CNTNAP2: variants seen among roughly 807,000 people sequenced by gnomAD.
The protein encoded by CNTNAP2 is contactin-associated protein-like 2.
CNTNAP2 carries 98 observed loss-of-function variants against 155.2 expected under a neutral mutation model. The ratio of observed to expected loss-of-function variants is 0.63; its 90% confidence interval spans 0.54 to 0.75. The LOEUF (loss-of-function observed/expected upper bound fraction) is 0.75. CNTNAP2 is among the 30% of genes least tolerant of loss of function. CNTNAP2 has a pLI of 0.00. For missense variants in CNTNAP2, 1,727 were observed against 1,688.1 expected (o/e 1.02, Z -0.40); for synonymous variants, 651 against 631.2 (o/e 1.03, Z -0.47).
At chr7:147,110,235 A>G (rs1161902957) in intron 5 of CNTNAP2, among the ~76,000 whole-genome samples, 3 of 152,178 alleles carry the variant, frequency 2.0e-5, no homozygotes, top group Non-Finnish European at 4.4e-5. Context: ...TTGTTTTTAA[A>G]TGGACAAGAC....
intron 1 of CNTNAP2, among the ~76,000 whole-genome samples, chr7:146,369,046 T>C (rs866518938): frequency 0.01 from 1,293 of 127,164 alleles, 39 homozygotes; most frequent in Admixed American, 0.076. Flanking sequence ...TATATATATA[T>C]ATATACATAT....
At chr7:146,720,254 T>G (rs945327733) in intron 1 of CNTNAP2, among the ~76,000 whole-genome samples, 4 of 152,172 alleles carry the variant, frequency 2.6e-5, no homozygotes, top group Non-Finnish European at 5.9e-5. Context: ...TCCAAAATGC[T>G]GTCAGCACAG....
chr7:147,302,031 C>T (rs1387016395), intron 9 of CNTNAP2, among the ~76,000 whole-genome samples: 1 of 152,098 alleles, frequency 6.6e-6, no homozygotes, highest in Non-Finnish European at 1.5e-5. Flanking sequence ...TTAAAAGACT[C>T]TCAATAAATA....
At chr7:146,911,839 C>G (rs1260018788) in intron 3 of CNTNAP2, among the ~76,000 whole-genome samples, 1 of 152,042 alleles carries the variant, frequency 6.6e-6, no homozygotes, top group African/African-American at 2.4e-5. Flanking sequence ...ATTTGGTTTA[C>G]AATCTTCAAG....
rs368768329 is a variant in CNTNAP2, at chr7:147,071,802, T to C, written c.550+27748T>C. Among the ~76,000 whole-genome samples the C allele has an allele frequency of 3.9e-5, 6 of 152,338 alleles. No individual in the cohort carries two copies. In the South Asian group the frequency reaches 8.3e-4, roughly 21 times the overall value. On this transcript the variant is annotated intron_variant, in intron 4 of 23. Transcript: ENST00000361727. ...AGTACTAGACAGAGGATCACAAATA[T>C]CTTGTTTCAAGTCATTCTTGAGAGT...
chr7:146,971,515 G>A (rs1033335681), intron 3 of CNTNAP2, among the ~76,000 whole-genome samples: 2 of 152,182 alleles, frequency 1.3e-5, no homozygotes, highest in South Asian at 2.1e-4. Context: ...GAGGTGGATA[G>A]CTTATCAACA....
chr7:148,267,186 T>G, intron 21 of CNTNAP2, 60 bp downstream of exon 21: 1 of 1,445,728 alleles, frequency 6.9e-7, no homozygotes, highest in Non-Finnish European at 9.7e-7. Context: ...GTAATGTGAG[T>G]TTGGATTTTA....
At chr7:147,515,333 G>T (rs115688654) in intron 11 of CNTNAP2, among the ~76,000 whole-genome samples, 78,364 of 127,250 alleles carry the variant, frequency 0.62, 25,665 homozygotes, top group South Asian at 0.76. Flanking sequence ...TTTTTTGTTT[G>T]TTTGTTTTGA....
Position 148,172,354 on chromosome 7 carries a change from A to G in CNTNAP2, c.2886A>G (p.Gly962=), listed in dbSNP as rs1328932233. 3 of 1,614,142 alleles carry G rather than the reference A, an allele frequency of 1.9e-6. No individual in the cohort carries two copies. The highest frequency in any genetic ancestry group is 1.7e-6 in the Non-Finnish European group (2 of 1,180,024). ...AGGTCACATCTGGGTTCATATCCGGATGCTCGGGCCATTGCACCAGCTATG... is the reference window on the plus strand; with the variant it reads ...AGGTCACATCTGGGTTCATATCCGGGTGCTCGGGCCATTGCACCAGCTATG... ...RAKVTSGFIS[G]CSGHCTSYGT... is the part of the protein sequence containing the mutation. The change falls in exon 18 of 24, where the codon GGA becomes GGG. Residue 962 remains glycine, a synonymous_variant. Transcript: ENST00000361727.
chr7:146,851,189 T>TGGCTA (rs1368309099), intron 3 of CNTNAP2, among the ~76,000 whole-genome samples: 1 of 152,100 alleles, frequency 6.6e-6, no homozygotes, highest in Non-Finnish European at 1.5e-5. Flanking sequence ...TTTGCCATAT[T>TGGCTA]GGCTAGGCTG....
intron 21 of CNTNAP2, among the ~76,000 whole-genome samples, chr7:148,369,531 G>A (rs1798849823): frequency 6.6e-6 from 1 of 151,850 alleles, no homozygotes; most frequent in African/African-American, 2.4e-5. Flanking sequence ...CCCAGCCTCT[G>A]TTATCATTAT....
intron 1 of CNTNAP2, among the ~76,000 whole-genome samples, chr7:146,343,046 T>G (rs1794757526): frequency 6.6e-6 from 1 of 152,180 alleles, no homozygotes; most frequent in South Asian, 2.1e-4. Context: ...TTTTTTCTGT[T>G]TTTCAAACGT....
chr7:147,430,973 G>A (rs552240815), intron 10 of CNTNAP2, among the ~76,000 whole-genome samples: 121 of 151,562 alleles, frequency 8.0e-4, no homozygotes, highest in Non-Finnish European at 1.3e-3. Context: ...GCGTGAACCT[G>A]AGAGGCGGAG....
intron 8 of CNTNAP2, among the ~76,000 whole-genome samples, chr7:147,272,310 G>A (rs1383194597): frequency 2.6e-5 from 4 of 151,714 alleles, no homozygotes; most frequent in African/African-American, 4.9e-5. Flanking sequence ...ATGTTAGTTT[G>A]CCAAACTCTA....
intron 15 of CNTNAP2, among the ~76,000 whole-genome samples, chr7:147,992,430 A>G (rs1469997366): frequency 6.6e-6 from 1 of 152,138 alleles, no homozygotes; most frequent in African/African-American, 2.4e-5. Flanking sequence ...TACCTGTAAA[A>G]TAAATCCTAA....
At chr7:147,964,016 T>C (rs1422913513) in intron 14 of CNTNAP2, among the ~76,000 whole-genome samples, 1 of 152,134 alleles carries the variant, frequency 6.6e-6, no homozygotes, top group Non-Finnish European at 1.5e-5. Context: ...AACATGATTG[T>C]ATTTGGAGAC....
At position 147,463,797 on chromosome 7, in the gene CNTNAP2, G is replaced by A. The variant is rs59684771; in HGVS notation, c.1671-22138G>A. 1.3e-3 allele frequency among the ~76,000 whole-genome samples: 205 copies of A among 152,178 alleles called. 3 individuals are homozygous for A. In the East Asian group the frequency reaches 0.03, roughly 22 times the overall value. ...GTTTTCCAGGAAATTAGGTAAAATA[G>A]CAAGGACCATAACAAAACAGTAGTA... On this transcript the variant is annotated intron_variant, in intron 10 of 23. Coordinates refer to ENST00000361727, the MANE Select transcript of CNTNAP2 (RefSeq NM_014141.6).
rs1313443421 is a variant in CNTNAP2, at chr7:147,108,132, T to C, written c.551-15T>C. On this transcript the variant is annotated splice_polypyrimidine_tract_variant and intron_variant, in intron 4 of 23. Coordinates refer to ENST00000361727, the MANE Select transcript of CNTNAP2 (RefSeq NM_014141.6). The stretch of plus-strand genomic sequence containing the variant: ...ACATGGCTGAACTAATATGTTATTT[T>C]TTTTTTTGTTTTAGGGGCTGATGTT... 1 of 1,581,626 alleles carries C rather than the reference T, an allele frequency of 6.3e-7. No homozygotes were observed. Among genetic ancestry groups the C allele is most frequent in the African/African-American group, 1.5e-5 (1 of 65,324 alleles).
chr7:147,879,899 G>T (rs6946545), intron 13 of CNTNAP2, among the ~76,000 whole-genome samples: 1 of 152,206 alleles, frequency 6.6e-6, no homozygotes, highest in South Asian at 2.1e-4. Context: ...ATAGATGCTT[G>T]CATCTTTCCC....
Sources: allele counts gnomAD v4.1 joint callset (sites outside exome capture counted in the v4.1 genomes callset), GRCh38; gene constraint gnomAD v4.1.1; transcripts MANE v1.5; gene names NCBI Gene and HGNC (gene_info 2026-07-23, HGNC 2026-07-21).